DMD: variants seen among roughly 807,000 people sequenced by gnomAD.
The protein encoded by DMD is mutant dystrophin.
A neutral mutation model predicts 330.1 loss-of-function variants in DMD; 63 were observed. That is an observed-to-expected ratio of 0.19 (90% CI 0.16 to 0.24). DMD has a LOEUF of 0.24. Ranked by LOEUF, DMD falls within the 10% of genes least tolerant of loss-of-function variation. The pLI is 1.00. For synonymous variants in DMD, 1,223 were observed against 959.8 expected, an observed-to-expected ratio of 1.27 and a Z score of -5.07; for missense variants, 3,344 against 2,684.1, an observed-to-expected ratio of 1.25 and a Z score of -5.43.
chrX:31,666,694 T>C (rs1185842283), intron 53 of DMD, among the ~76,000 whole-genome samples: 2 of 111,889 alleles, frequency 1.8e-5, no homozygotes, highest in East Asian at 5.6e-4. Context: ...AACAACAATA[T>C]CCCTGTTTTT....
intron 60 of DMD, among the ~76,000 whole-genome samples, chrX:31,372,245 T>C (rs778613476): frequency 8.9e-6 from 1 of 112,052 alleles, no homozygotes; most frequent in Non-Finnish European, 1.9e-5. Flanking sequence ...CAAGATTAAC[T>C]TGACAGCAAT....
intron 1 of DMD, among the ~76,000 whole-genome samples, chrX:33,057,533 G>A (rs936806912): frequency 4.5e-5 from 5 of 112,101 alleles, no homozygotes; most frequent in African/African-American, 9.7e-5. Flanking sequence ...GAGATTCTAC[G>A]CATGCATAGA....
chrX:31,829,398 A>G (rs901219601), intron 49 of DMD, among the ~76,000 whole-genome samples: 1 of 111,106 alleles, frequency 9.0e-6, no homozygotes, highest in African/African-American at 3.3e-5. Flanking sequence ...TAAGCAAAAT[A>G]TAACTTGTAC....
At chrX:32,242,571 A>C (rs749456747) in intron 43 of DMD, among the ~76,000 whole-genome samples, 1 of 111,640 alleles carries the variant, frequency 9.0e-6, no homozygotes, top group Admixed American at 9.5e-5. Context: ...ATGTACACGA[A>C]AGATTTATAT....
intron 60 of DMD, among the ~76,000 whole-genome samples, chrX:31,374,728 C>T (rs1172551427): frequency 3.9e-5 from 4 of 103,566 alleles, no homozygotes; most frequent in African/African-American, 1.4e-4. Context: ...TGCTAAATGA[C>T]GAGTTAATGG....
At chrX:32,129,024 G>A (rs1001922863) in intron 44 of DMD, among the ~76,000 whole-genome samples, 16 of 111,368 alleles carry the variant, frequency 1.4e-4, no homozygotes, top group East Asian at 5.7e-4. Flanking sequence ...CAGTACCTTA[G>A]CCAAAAATTA....
chrX:31,861,946 T>TACACACACACACACACAC (rs60169449), intron 48 of DMD, among the ~76,000 whole-genome samples: 1 of 87,964 alleles, frequency 1.1e-5, no homozygotes, highest in Non-Finnish European at 2.2e-5. Flanking sequence ...GAAAATAATA[T>TACACACACACACACACAC]ACACACACAC....
chrX:33,123,709 C>T (rs1342839122), intron 1 of DMD, among the ~76,000 whole-genome samples: 1 of 105,363 alleles, frequency 9.5e-6, no homozygotes, highest in Middle Eastern at 5.0e-3. Context: ...TGAGCCACCA[C>T]GCCCGGTTCA....
intron 44 of DMD, among the ~76,000 whole-genome samples, chrX:32,187,315 G>A (rs761974518): frequency 9.0e-6 from 1 of 111,051 alleles, no homozygotes; most frequent in Non-Finnish European, 1.9e-5. Context: ...TGGGAAAAAT[G>A]AAGGGACAAG....
chrX:33,137,953 A>G (rs959978472), intron 1 of DMD, among the ~76,000 whole-genome samples: 3 of 112,089 alleles, frequency 2.7e-5, no homozygotes, highest in Non-Finnish European at 5.6e-5. Flanking sequence ...TTTCCTTGCT[A>G]TGTGATAGGT....
At chrX:31,186,794 T>C (rs1304295586) in intron 67 of DMD, among the ~76,000 whole-genome samples, 1 of 112,891 alleles carries the variant, frequency 8.9e-6, no homozygotes, top group African/African-American at 3.2e-5. Context: ...CCTTTTGGCA[T>C]GGCACCACAG....
intron 60 of DMD, among the ~76,000 whole-genome samples, chrX:31,367,222 A>G (rs1047741786): frequency 9.0e-6 from 1 of 111,138 alleles, no homozygotes; most frequent in African/African-American, 3.3e-5. Flanking sequence ...TTCCTCCTTT[A>G]TAGCTCGGAA....
At chrX:32,423,846 A>C (rs1180832322) in intron 29 of DMD, among the ~76,000 whole-genome samples, 2 of 111,007 alleles carry the variant, frequency 1.8e-5, no homozygotes, top group Admixed American at 1.9e-4. Flanking sequence ...ATTTTAAAAT[A>C]TTATTAAAAA....
intron 7 of DMD, among the ~76,000 whole-genome samples, chrX:32,777,253 T>TA (rs1238906675): frequency 4.2e-4 from 5 of 11,797 alleles, no homozygotes; most frequent in African/African-American, 2.2e-3. Flanking sequence ...TGGAAGTTCC[T>TA]AGTTTTTAAG....
intron 1 of DMD, among the ~76,000 whole-genome samples, chrX:33,266,586 T>G: frequency 2.8e-5 from 1 of 36,175 alleles, no homozygotes; most frequent in South Asian, 1.6e-3. Flanking sequence ...AAGAAAGTCT[T>G]GGATTTTTTC....
At chrX:32,330,112 TA>T (rs1183582247) in intron 41 of DMD, among the ~76,000 whole-genome samples, 2 of 112,398 alleles carry the variant, frequency 1.8e-5, no homozygotes, top group Non-Finnish European at 3.8e-5. Context: ...GGTGCTAAAC[TA>T]TACTCAAAAG....
chrX:32,072,753 CT>C (rs1421151934), intron 44 of DMD, among the ~76,000 whole-genome samples: 1 of 111,770 alleles, frequency 8.9e-6, no homozygotes, highest in Non-Finnish European at 1.9e-5. Flanking sequence ...TTTTGATCAT[CT>C]TAGGTAGCCT....
chrX:33,113,108 C>T (rs2095353580), intron 1 of DMD, among the ~76,000 whole-genome samples: 1 of 101,730 alleles, frequency 9.8e-6, no homozygotes, highest in Admixed American at 1.1e-4. Context: ...GGCTGGAGTG[C>T]AGCGGCTCAA....
At chrX:31,985,227 T>A (rs1170694363) in intron 44 of DMD, among the ~76,000 whole-genome samples, 2 of 112,266 alleles carry the variant, frequency 1.8e-5, no homozygotes, top group South Asian at 3.7e-4. Flanking sequence ...GGTAACTTTT[T>A]AAAATCTCTG....
Sources: gnomAD v4.1 joint callset for allele counts (sites outside exome capture counted in the v4.1 genomes callset) on GRCh38, gnomAD v4.1.1 for gene constraint, MANE v1.5 for transcripts, NCBI Gene and HGNC (gene_info 2026-07-23, HGNC 2026-07-21) for gene names.